Variants in ABTB3 observed in about 807,000 individuals in gnomAD.
The protein encoded by ABTB3 is ankyrin repeat and BTB domain containing 3.
the ABTB3 span, among the ~76,000 whole-genome samples, chr12:107,655,641 C>T: frequency 6.6e-6 from 1 of 152,214 alleles, no homozygotes; most frequent in South Asian, 2.1e-4. Context: ...TCAACCAGGA[C>T]CTCCGCAACG....
the ABTB3 span, among the ~76,000 whole-genome samples, chr12:107,366,132 C>T: frequency 2.6e-5 from 4 of 152,188 alleles, no homozygotes; most frequent in African/African-American, 9.6e-5. Flanking sequence ...CCACACCCTG[C>T]CTTCCCAGCT....
the ABTB3 span, among the ~76,000 whole-genome samples, chr12:107,443,519 C>T: frequency 6.6e-6 from 1 of 151,916 alleles, no homozygotes; most frequent in Non-Finnish European, 1.5e-5. Context: ...TGCAAAGGCC[C>T]TGAGGTAGGC....
the ABTB3 span, among the ~76,000 whole-genome samples, chr12:107,622,832 T>A: frequency 4.6e-5 from 7 of 152,320 alleles, no homozygotes; most frequent in African/African-American, 1.7e-4. Flanking sequence ...CACTTTATGT[T>A]CAACTTATAG....
At chr12:107,545,211 A>AC in the ABTB3 span, among the ~76,000 whole-genome samples, 17 of 152,100 alleles carry the variant, frequency 1.1e-4, no homozygotes, top group Non-Finnish European at 2.5e-4. Flanking sequence ...CATAGGCTAT[A>AC]CGGAGGTTGC....
chr12:107,320,592 C>G, the ABTB3 span: 4 of 456,098 alleles, frequency 8.8e-6, no homozygotes, highest in Non-Finnish European at 1.8e-5. Flanking sequence ...GCGGCCGTAC[C>G]GGCTGAATGG....
At chr12:107,526,388 T>C in the ABTB3 span, among the ~76,000 whole-genome samples, 7 of 152,012 alleles carry the variant, frequency 4.6e-5, no homozygotes, top group Non-Finnish European at 1.0e-4. Flanking sequence ...CAGTTCGTCT[T>C]TCCTGAACCA....
At chr12:107,544,181 C>T in the ABTB3 span, 2 of 1,588,790 alleles carry the variant, frequency 1.3e-6, no homozygotes. Flanking sequence ...GTGGGTACTG[C>T]CTCCAGGGTG....
chr12:107,592,391 C>T, the ABTB3 span, among the ~76,000 whole-genome samples: 1 of 152,114 alleles, frequency 6.6e-6, no homozygotes, highest in Non-Finnish European at 1.5e-5. Context: ...TAGGTCTATA[C>T]CCTAGAGAAA....
chr12:107,612,888 G>A, the ABTB3 span: 2 of 1,610,222 alleles, frequency 1.2e-6, no homozygotes, highest in African/African-American at 2.7e-5. Context: ...GCAGAGGCCA[G>A]CAGGGCCCCT....
At chr12:107,617,200 T>G in the ABTB3 span, 2 of 1,614,052 alleles carry the variant, frequency 1.2e-6, no homozygotes, top group Non-Finnish European at 1.7e-6. Context: ...CTGCTGGTTC[T>G]CACCCTGGCC....
the ABTB3 span, among the ~76,000 whole-genome samples, chr12:107,633,038 T>C: frequency 6.6e-6 from 1 of 152,236 alleles, no homozygotes. Flanking sequence ...ATGTGATTAC[T>C]TTGGGCTCGC....
chr12:107,550,882 C>T, the ABTB3 span, among the ~76,000 whole-genome samples: 1 of 152,116 alleles, frequency 6.6e-6, no homozygotes, highest in African/African-American at 2.4e-5. Context: ...CGCACCCAGC[C>T]TCTGCTAATT....
At chr12:107,549,747 C>T in the ABTB3 span, among the ~76,000 whole-genome samples, 1 of 152,136 alleles carries the variant, frequency 6.6e-6, no homozygotes, top group Non-Finnish European at 1.5e-5. Flanking sequence ...TGCTTATGGC[C>T]AGAATGATCC....
chr12:107,377,033 A>G, the ABTB3 span, among the ~76,000 whole-genome samples: 28 of 152,152 alleles, frequency 1.8e-4, no homozygotes, highest in Non-Finnish European at 2.5e-4. Flanking sequence ...TGCACTGCTC[A>G]GATACCCCTT....
chr12:107,612,734 C>T, the ABTB3 span: 1 of 1,533,028 alleles, frequency 6.5e-7, no homozygotes, highest in Admixed American at 1.8e-5. Flanking sequence ...TTGACCACAG[C>T]CACCTTGTAA....
At chr12:107,512,491 G>A in the ABTB3 span, among the ~76,000 whole-genome samples, 1 of 152,198 alleles carries the variant, frequency 6.6e-6, no homozygotes, top group Admixed American at 6.5e-5. Context: ...TTGTATACTT[G>A]CCTATCAGTT....
chr12:107,333,523 T>A, the ABTB3 span, among the ~76,000 whole-genome samples: 2 of 152,136 alleles, frequency 1.3e-5, no homozygotes, highest in Admixed American at 6.5e-5. Flanking sequence ...TGACTTAACC[T>A]CTTTGGACTT....
chr12:107,543,418 G>A, the ABTB3 span, among the ~76,000 whole-genome samples: 1 of 151,902 alleles, frequency 6.6e-6, no homozygotes, highest in Non-Finnish European at 1.5e-5. Context: ...TGGTTCTAGA[G>A]GGGGTTTCCT....
At chr12:107,408,991 A>G in the ABTB3 span, among the ~76,000 whole-genome samples, 572 of 152,378 alleles carry the variant, frequency 3.8e-3, 15 homozygotes, top group Non-Finnish European at 9.7e-4. Context: ...GCATATGACT[A>G]GGGAAACTGT....
Sources: gnomAD v4.1 joint callset for allele counts (sites outside exome capture counted in the v4.1 genomes callset) on GRCh38, gnomAD v4.1.1 for gene constraint, MANE v1.5 for transcripts, NCBI Gene and HGNC (gene_info 2026-07-23, HGNC 2026-07-21) for gene names.